RPH3A: variants seen among roughly 807,000 people sequenced by gnomAD.
The protein encoded by RPH3A is rabphilin-3A.
Under a neutral mutation model 102.2 loss-of-function variants are expected in RPH3A, and 48 were observed. The observed-to-expected ratio is 0.47, with a 90% CI of 0.37 to 0.60. The LOEUF (loss-of-function observed/expected upper bound fraction) is 0.60, where lower values mean the gene tolerates loss of function less well. Ranked by LOEUF, RPH3A falls within the 20% of genes least tolerant of loss-of-function variation. The probability of loss-of-function intolerance (pLI) is 0.00; values close to 1 mark genes in which losing one functional copy is unlikely to be tolerated. For missense variants in RPH3A, 781 were observed against 910.1 expected (o/e 0.86, Z 1.83); for synonymous variants, 310 against 324.3 (o/e 0.96, Z 0.47).
intron 1 of RPH3A, among the ~76,000 whole-genome samples, chr12:112,613,882 T>C (rs1592907670): frequency 1.3e-5 from 2 of 152,164 alleles, no homozygotes; most frequent in Non-Finnish European, 2.9e-5. Flanking sequence ...AGGTGGAGGC[T>C]GTAGTGAGTT....
chr12:112,784,311 C>T (rs1056201437), intron 1 of RPH3A, among the ~76,000 whole-genome samples: 1 of 152,270 alleles, frequency 6.6e-6, no homozygotes, highest in South Asian at 2.1e-4. Flanking sequence ...CACCCCCAGG[C>T]AGGTTTTCCA....
At chr12:112,822,550 C>A (rs942028978) in intron 2 of RPH3A, among the ~76,000 whole-genome samples, 5 of 152,108 alleles carry the variant, frequency 3.3e-5, no homozygotes, top group African/African-American at 1.2e-4. Context: ...GAACCAATGG[C>A]AAAGGAGGAG....
rs375101643 is a variant in RPH3A, at chr12:112,894,720, A to G, written c.1857+61A>G. The G allele has an allele frequency of 2.5e-4, 348 of 1,409,220 alleles. 2 individuals are homozygous for G. The South Asian group carries it at 4.1e-3, about 16-fold the overall frequency. The allele number at this position is 1,409,220 out of a possible 1,614,324, so 87.3% of individuals were successfully genotyped here. A position where few individuals can be genotyped will look rare whatever the true frequency, so the allele number is the denominator to read the frequency against. ...ATTTGCTGTGTGTTAGAGAGGCACA[A>G]ATAGCCACATAGCCATTAAATATGT... On this transcript the variant is annotated intron_variant, in intron 20 of 21. Coordinates refer to ENST00000389385, the MANE Select transcript of RPH3A (RefSeq NM_001143854.2).
intron 2 of RPH3A, among the ~76,000 whole-genome samples, chr12:112,799,931 G>A (rs761016767): frequency 1.3e-5 from 2 of 152,052 alleles, no homozygotes; most frequent in South Asian, 2.1e-4. Flanking sequence ...GCTGGCCCAG[G>A]GACCACACTG....
At chr12:112,706,399 A>G (rs2040427124) in intron 1 of RPH3A, among the ~76,000 whole-genome samples, 1 of 152,096 alleles carries the variant, frequency 6.6e-6, no homozygotes, top group South Asian at 2.1e-4. Flanking sequence ...CACACAGAAC[A>G]GGTTCAAGGA....
At chr12:112,684,656 T>C (rs2040250705) in intron 1 of RPH3A, among the ~76,000 whole-genome samples, 1 of 152,224 alleles carries the variant, frequency 6.6e-6, no homozygotes, top group African/African-American at 2.4e-5. Context: ...AATACAAATT[T>C]ATATGGCTAT....
At chr12:112,597,696 G>A (rs537091860) in intron 1 of RPH3A, among the ~76,000 whole-genome samples, 2 of 152,338 alleles carry the variant, frequency 1.3e-5, no homozygotes, top group South Asian at 4.1e-4. Flanking sequence ...ACTTCCACTT[G>A]TGTCAGGAAG....
At chr12:112,782,148 A>G (rs567711927) in intron 1 of RPH3A, among the ~76,000 whole-genome samples, 5 of 152,370 alleles carry the variant, frequency 3.3e-5, no homozygotes, top group South Asian at 2.1e-4. Context: ...GCCCTTCAGC[A>G]TTTATTCAAT....
intron 3 of RPH3A, among the ~76,000 whole-genome samples, chr12:112,834,385 A>G (rs1297692315): frequency 6.6e-6 from 1 of 152,212 alleles, no homozygotes; most frequent in African/African-American, 2.4e-5. Context: ...TTATCCGTTG[A>G]TGGACCATGG....
In RPH3A at chr12:112,741,125, TCTGTGTAGTAGGCTTTTA is replaced by T. The variant is rs373325809; in HGVS notation, c.-139-51014_-139-50997del. ...AACATCCCCAGATGTTCTGGCAACT[TCTGTGTAGTAGGCTTTTA>T]CTGAAGGCTTGAAAATGGCTGAGCT... On this transcript the variant is annotated intron_variant, in intron 1 of 21. Transcript: ENST00000543106. 4.6e-3 allele frequency among the ~76,000 whole-genome samples: 708 copies of T among 152,292 alleles called. 3 individuals carry two copies. The highest frequency in any genetic ancestry group is 0.015 in the African/African-American group (634 of 41,562).
chr12:112,694,650 G>GCACA (rs71086119), intron 1 of RPH3A, among the ~76,000 whole-genome samples: 1,394 of 98,516 alleles, frequency 0.014, 11 homozygotes, highest in Middle Eastern at 0.03. Context: ...GCGCGCACAC[G>GCACA]CACACACACA....
intron 1 of RPH3A, among the ~76,000 whole-genome samples, chr12:112,629,527 G>A (rs1378911476): frequency 6.9e-6 from 1 of 145,504 alleles, no homozygotes; most frequent in Non-Finnish European, 1.5e-5. Context: ...GGAGTGCGGT[G>A]GCACAATCAC....
chr12:112,826,559 A>G (rs58783763), intron 2 of RPH3A, among the ~76,000 whole-genome samples: 150 of 152,294 alleles, frequency 9.8e-4, no homozygotes, highest in African/African-American at 3.4e-3. Flanking sequence ...TCTTCACCCC[A>G]TGGAGGCCCC....
chr12:112,699,277 A>C (rs1255005326), intron 1 of RPH3A, among the ~76,000 whole-genome samples: 1 of 152,224 alleles, frequency 6.6e-6, no homozygotes, highest in Non-Finnish European at 1.5e-5. Flanking sequence ...GCAGTCACAC[A>C]ATTAAATTAT....
rs116074869 is a variant in RPH3A, at chr12:112,702,715, T to C, written c.-139-89428T>C. Among the ~76,000 whole-genome samples, 1,411 of 152,338 alleles carry C rather than the reference T, an allele frequency of 9.3e-3. 30 individuals carry two copies. The highest frequency in any genetic ancestry group is 0.032 in the African/African-American group (1,330 of 41,564). On this transcript the variant is annotated intron_variant, in intron 1 of 21. Transcript: ENST00000543106. The stretch of plus-strand genomic sequence containing the variant: ...ACTTGTAGGAGCCTTTGCTAAACTC[T>C]CTGCAAGGAGCCCCCCAAAAATGTT...
intron 1 of RPH3A, among the ~76,000 whole-genome samples, chr12:112,745,336 C>G (rs1352471282): frequency 3.3e-5 from 5 of 152,178 alleles, no homozygotes; most frequent in African/African-American, 1.2e-4. Flanking sequence ...TACAGTTTCC[C>G]CCTTTGTAAT....
At chr12:112,678,796 C>T (rs1221447989) in intron 1 of RPH3A, among the ~76,000 whole-genome samples, 4 of 152,158 alleles carry the variant, frequency 2.6e-5, no homozygotes, top group South Asian at 2.1e-4. Context: ...TGTCATATGT[C>T]TTCCTATATA....
intron 1 of RPH3A, among the ~76,000 whole-genome samples, chr12:112,632,331 CA>C (rs969500900): frequency 1.3e-5 from 2 of 152,178 alleles, no homozygotes; most frequent in Non-Finnish European, 2.9e-5. Context: ...AGTAATTTCT[CA>C]TCACCCACCC....
chr12:112,761,105 A>C (rs1463597461), intron 1 of RPH3A, among the ~76,000 whole-genome samples: 1 of 152,190 alleles, frequency 6.6e-6, no homozygotes, highest in Non-Finnish European at 1.5e-5. Context: ...ATCTAGTTGC[A>C]GCATTGACAC....
Sources: gnomAD v4.1 joint callset for allele counts (sites outside exome capture counted in the v4.1 genomes callset) on GRCh38, gnomAD v4.1.1 for gene constraint, MANE v1.5 for transcripts, NCBI Gene and HGNC (gene_info 2026-07-23, HGNC 2026-07-21) for gene names.